The following ASIP variants were observed in gnomAD, a reference collection of about 807,000 sequenced individuals.
ASIP encodes agouti signaling protein.
A neutral mutation model predicts 10.3 loss-of-function variants in ASIP; 11 were observed. The observed-to-expected ratio is 1.07, with a 90% CI of 0.68 to 1.78. The LOEUF is 1.78. Among genes scored for constraint, ASIP ranks in the 40% most tolerant of loss-of-function variants. The pLI, the probability that ASIP is intolerant of heterozygous loss-of-function variation, is 0.00. For synonymous variants in ASIP, 70 were observed against 70.8 expected (o/e 0.99, Z 0.06); for missense variants, 180 against 169.2 (o/e 1.06, Z -0.35).
At chr20:34,218,884 C>T (rs753563155) in intron 1 of ASIP, among the ~76,000 whole-genome samples, 1 of 151,980 alleles carries the variant, frequency 6.6e-6, no homozygotes, top group Non-Finnish European at 1.5e-5. Context: ...AGGATGGTCT[C>T]GATCTCCTGA....
At chr20:34,193,875 G>A (rs778204483), upstream of ASIP, among the ~76,000 whole-genome samples, 87 of 152,296 alleles carry the variant, frequency 5.7e-4, no homozygotes, top group African/African-American at 1.8e-3. Context: ...CATGGCATCC[G>A]AGGAACCTAA....
chr20:34,191,730 CTTTTTTT>C (rs58407816), upstream of ASIP, among the ~76,000 whole-genome samples: 6 of 125,168 alleles, frequency 4.8e-5, no homozygotes, highest in Non-Finnish European at 8.1e-5. Context: ...CTCTCTCTCT[CTTTTTTT>C]TTTTTTTTTT....
At chr20:34,234,697 G>C (rs2035155368) in intron 1 of ASIP, 1 of 152,064 alleles carries the variant, frequency 6.6e-6, no homozygotes, top group Non-Finnish European at 1.5e-5. Context: ...AGCTACTCGG[G>C]AGGCTGAGGC....
chr20:34,207,851 A>G (rs1023872489), intron 1 of ASIP, among the ~76,000 whole-genome samples: 4 of 151,328 alleles, frequency 2.6e-5, no homozygotes, highest in Non-Finnish European at 5.9e-5. Flanking sequence ...GTGCAGTGGC[A>G]CGATCTGGGC....
At chr20:34,268,325 T>C (rs529107779) in intron 3 of ASIP, among the ~76,000 whole-genome samples, 21 of 152,194 alleles carry the variant, frequency 1.4e-4, no homozygotes, top group Non-Finnish European at 2.5e-4. Context: ...CTGCGTTCGG[T>C]GCACAGCGGG....
At chr20:34,235,889 GGAAGGAAGGAAA>G (rs1266129500) in intron 1 of ASIP, among the ~76,000 whole-genome samples, 19 of 102,000 alleles carry the variant, frequency 1.9e-4, no homozygotes, top group African/African-American at 7.7e-4. Flanking sequence ...AAGGAAGGAA[GGAAGGAAGGAAA>G]GGAAGGAAGG....
chr20:34,232,496 C>T (rs2035128652), intron 1 of ASIP, among the ~76,000 whole-genome samples: 1 of 151,982 alleles, frequency 6.6e-6, no homozygotes, highest in African/African-American at 2.4e-5. Flanking sequence ...TCAATAAATC[C>T]CCAAGCAGCA....
chr20:34,216,075 G>C (rs1200751863), intron 1 of ASIP, among the ~76,000 whole-genome samples: 1 of 152,254 alleles, frequency 6.6e-6, no homozygotes, highest in Non-Finnish European at 1.5e-5. Flanking sequence ...CCTCGTCCTT[G>C]TCGCCGTAGT....
At chr20:34,213,658 G>C (rs537178050) in intron 1 of ASIP, 2 of 1,560,968 alleles carry the variant, frequency 1.3e-6, no homozygotes, top group Non-Finnish European at 1.8e-6. Context: ...GAGGTCTTTT[G>C]CTTCACAATC....
Position 34,262,857 on chromosome 20 carries a change from CG to C in ASIP, c.188del (p.Gly63AlafsTer17). The C allele has an allele frequency of 6.2e-7, 1 of 1,613,884 alleles. No homozygotes were observed. Among genetic ancestry groups the C allele is most frequent in the South Asian group, 1.1e-5 (1 of 91,060 alleles). On this transcript the variant is annotated frameshift_variant, in exon 3 of 4. Coordinates refer to ENST00000374954, the MANE Select transcript of ASIP (RefSeq NM_001672.3). LOFTEE classifies it high-confidence loss of function. ...CGCTGAACAAGAAATCCAAACAGAT[CG>C]GCAGAAAAGCAGCAGAAAAGAAAAG... is the stretch of plus-strand genomic sequence containing the variant. ...VALNKKSKQI[G>X]RKAAEKKRSS...
chr20:34,190,724 A>G (rs2034819785), upstream of ASIP, among the ~76,000 whole-genome samples: 1 of 152,162 alleles, frequency 6.6e-6, no homozygotes, highest in East Asian at 1.9e-4. Context: ...CACACATCCC[A>G]TGCAGTCTTT....
chr20:34,193,853 A>T (rs2034838722), upstream of ASIP, among the ~76,000 whole-genome samples: 1 of 152,226 alleles, frequency 6.6e-6, no homozygotes, highest in Non-Finnish European at 1.5e-5. Context: ...GCATAAGTGC[A>T]AATTTTTATC....
At chr20:34,200,389 T>A (rs1429401126) in intron 1 of ASIP, among the ~76,000 whole-genome samples, 1 of 152,194 alleles carries the variant, frequency 6.6e-6, no homozygotes, top group Non-Finnish European at 1.5e-5. Flanking sequence ...CAAATTGGCA[T>A]CCCTCAAATT....
At chr20:34,256,760 C>T (rs1226430818) in intron 1 of ASIP, among the ~76,000 whole-genome samples, 1 of 152,172 alleles carries the variant, frequency 6.6e-6, no homozygotes, top group Non-Finnish European at 1.5e-5. Context: ...CCTCTTGTAA[C>T]TTGCCTTAAT....
In ASIP at chr20:34,248,891, C is replaced by T. The variant is rs112567083; in HGVS notation, c.-11+7402C>T. On this transcript the variant is annotated intron_variant, in intron 1 of 3. Coordinates refer to ENST00000374954, the MANE Select transcript of ASIP (RefSeq NM_001672.3). ...TTTGGAATAACAGCAATTCAACGTT[C>T]GAAGAGAACTTAAAAATCTAATAAT... 3.3e-5 allele frequency among the ~76,000 whole-genome samples: 5 copies of T among 150,450 alleles called. No individual in the cohort carries two copies. The East Asian group carries it at 5.9e-4, about 18-fold the overall frequency.
chr20:34,215,783 A>T, intron 1 of ASIP: 1 of 1,546,478 alleles, frequency 6.5e-7, no homozygotes, highest in Non-Finnish European at 8.9e-7. Context: ...TTCTGCACAC[A>T]CCTGCCAGGC....
At chr20:34,262,509 C>T (rs188672968) in intron 2 of ASIP, among the ~76,000 whole-genome samples, 3 of 152,310 alleles carry the variant, frequency 2.0e-5, no homozygotes, top group Admixed American at 6.5e-5. Flanking sequence ...GGAAGGGGCA[C>T]CTGGGGTGGC....
At chr20:34,211,761 G>A (rs1309104096) in intron 1 of ASIP, among the ~76,000 whole-genome samples, 2 of 152,144 alleles carry the variant, frequency 1.3e-5, no homozygotes, top group Non-Finnish European at 2.9e-5. Context: ...GAAATTAGCA[G>A]TCAGTCTTAC....
At chr20:34,214,169 A>G (rs2034992471) in intron 1 of ASIP, 2 of 1,211,914 alleles carry the variant, frequency 1.7e-6, no homozygotes, top group East Asian at 2.3e-5. Context: ...TATTCAAAAT[A>G]TCCTCAATGA....
Sources: gnomAD v4.1 joint callset for allele counts (sites outside exome capture counted in the v4.1 genomes callset) on GRCh38, gnomAD v4.1.1 for gene constraint, MANE v1.5 for transcripts, NCBI Gene and HGNC (gene_info 2026-07-23, HGNC 2026-07-21) for gene names.